Variants in XDH observed in about 807,000 individuals in gnomAD.
XDH encodes xanthine dehydrogenase, also known as xanthine dehydrogenase/oxidase.
A neutral mutation model predicts 156.1 loss-of-function variants in XDH; 138 were observed. The ratio of observed to expected loss-of-function variants is 0.88; its 90% CI spans 0.77 to 1.02. The LOEUF (loss-of-function observed/expected upper bound fraction) is 1.02, where lower values mean the gene tolerates loss of function less well. XDH is among the 50% of genes least tolerant of loss of function. The probability of loss-of-function intolerance (pLI) is 0.00; values close to 1 mark genes in which losing one functional copy is unlikely to be tolerated. For synonymous variants in XDH, 669 were observed against 625.7 expected (o/e 1.07, Z -1.03); for missense variants, 1,849 against 1,684.9 (o/e 1.10, Z -1.71).
chr2:31,403,672 T>G (rs910926242), intron 2 of XDH, among the ~76,000 whole-genome samples: 3 of 152,150 alleles, frequency 2.0e-5, no homozygotes, highest in African/African-American at 7.2e-5. Context: ...TTTTGAATAT[T>G]TGGTCCAAAA....
intron 35 of XDH, among the ~76,000 whole-genome samples, chr2:31,337,004 C>G (rs1684985010): frequency 6.6e-6 from 1 of 150,972 alleles, no homozygotes; most frequent in Non-Finnish European, 1.5e-5. Flanking sequence ...TTAGGCATTG[C>G]CAACTACAAG....
At position 31,383,831 on chromosome 2, in the gene XDH, G is replaced by C. The variant is rs754770968; in HGVS notation, c.810C>G (p.Phe270Leu). The C allele has an allele frequency of 6.2e-7, 1 of 1,614,000 alleles. No individual in the cohort carries two copies. The highest frequency in any genetic ancestry group is 1.1e-5 in the South Asian group (1 of 90,980). ...GNTEIGIEMK[F>L]KNMLFPMIVC... ...CAATCATAGGAAACAGCATATTCTT[G>C]AACTTCATCTCAATGCCTAGAGAGA... The change falls in exon 10 of 36, where the codon TTC (phenylalanine) becomes TTG (leucine). Residue 270 changes from phenylalanine to leucine, a missense_variant. Phe to Leu is a conservative substitution (Grantham distance 22). Coordinates refer to ENST00000379416, the MANE Select transcript of XDH (RefSeq NM_000379.4).
At chr2:31,367,868 C>T in intron 20 of XDH, 93 bp downstream of exon 20, 1 of 1,224,946 alleles carries the variant, frequency 8.2e-7, no homozygotes, top group Non-Finnish European at 1.2e-6. Context: ...GTCCAGAAAT[C>T]ACTTCCCTGC....
chr2:31,367,206 A>G (rs1685938872), intron 20 of XDH, among the ~76,000 whole-genome samples: 1 of 152,240 alleles, frequency 6.6e-6, no homozygotes, highest in South Asian at 2.1e-4. Context: ...CACCCCCACA[A>G]CAAAGAAAGA....
rs1553411627 is a variant in XDH, at chr2:31,343,306, A to ATATATATATATATGCATGTT, written c.3405-1010_3405-1009insAACATGCATATATATATATA. Reference sequence around the variant, plus strand: ...TCACCATATATATATATATATATATATATATATATATATATATATATGCAT... The same window carrying ATATATATATATATGCATGTT: ...TCACCATATATATATATATATATATATATATATATATATGCATGTTTATATATATATATATATATATGCAT... On this transcript the variant is annotated intron_variant, in intron 31 of 35. Coordinates refer to ENST00000379416, the MANE Select transcript of XDH (RefSeq NM_000379.4). Among the ~76,000 whole-genome samples, 301 of 107,102 alleles carry ATATATATATATATGCATGTT rather than the reference A, an allele frequency of 2.8e-3. 2 individuals carry two copies. Among genetic ancestry groups the ATATATATATATATGCATGTT allele is most frequent in the African/African-American group, 0.01 (279 of 27,144 alleles). The allele number at this position is 107,102 out of a possible 152,430, so 70.3% of individuals were successfully genotyped here.
rs1193322446 is a variant in XDH, at chr2:31,414,718, T to C, written c.-52A>G. On this transcript the variant is annotated 5_prime_UTR_variant, in exon 1 of 36. Coordinates refer to ENST00000379416, the MANE Select transcript of XDH (RefSeq NM_000379.4). ...CAGGTACCTCACTCCTAAGAGACAC[T>C]GGCAGGTAGTTATCACTGCTCTGTG... The C allele has an allele frequency of 6.2e-7, 1 of 1,608,078 alleles. No individual in the cohort carries two copies.
intron 30 of XDH, among the ~76,000 whole-genome samples, chr2:31,345,725 G>A (rs142990295): frequency 2.6e-5 from 4 of 152,060 alleles, no homozygotes; most frequent in Non-Finnish European, 2.9e-5. Context: ...TTGTGTGTGC[G>A]TGCACATGCG....
chr2:31,339,534 G>A lies in XDH; in HGVS notation c.3729C>T (p.Ser1243=). 1.2e-6 allele frequency: 2 copies of A among 1,614,194 alleles called. No homozygotes were observed. The highest frequency in any genetic ancestry group is 1.1e-5 in the South Asian group (1 of 91,078). ...FGSIPIEFRV[S]LLRDCPNKKA... ...TCTTGTTGGGGCAGTCGCGGAGCAG[G>A]GACACCCTGAACTCAATGGGGATGC... Residue 1243 remains serine (S), a synonymous_variant, in exon 34 of 36, where the codon TCC becomes TCT. Transcript: ENST00000379416.
chr2:31,388,439 G>T (rs1686674699), intron 6 of XDH, 144 bp from the exon 7 acceptor site: 2 of 884,766 alleles, frequency 2.3e-6, no homozygotes, highest in Non-Finnish European at 3.7e-6. Flanking sequence ...CCTGCCTGTT[G>T]CCCAGAGTGG....
chr2:31,339,803 A>T lies in XDH; in HGVS notation c.3586-126T>A, dbSNP rs1400770772. The T allele has an allele frequency of 2.4e-6, 3 of 1,232,172 alleles. No individual in the cohort carries two copies. The African/African-American group carries it at 4.5e-5, about 18-fold the overall frequency. The allele number at this position is 1,232,172 out of a possible 1,614,324, so 76.3% of individuals were successfully genotyped here. A position where few individuals can be genotyped will look rare whatever the true frequency, so the allele number is the denominator to read the frequency against. Reference sequence around the variant, plus strand: ...TGGAATGTAGCTAAAACTGCCCTCTATTGCTTACCTGGCTCCCGCCTCAGC... The same window carrying T: ...TGGAATGTAGCTAAAACTGCCCTCTTTTGCTTACCTGGCTCCCGCCTCAGC... On this transcript the variant is annotated intron_variant, in intron 33 of 35. Transcript: ENST00000379416.
intron 7 of XDH, 56 bp downstream of exon 7, chr2:31,388,171 A>G (rs1442153742): frequency 1.3e-6 from 2 of 1,587,374 alleles, no homozygotes; most frequent in African/African-American, 1.3e-5. Flanking sequence ...TCGTGCACTG[A>G]CTCCTCTAAG....
At chr2:31,364,338 G>A in intron 23 of XDH, 94 bp from the exon 24 acceptor site, 1 of 1,261,542 alleles carries the variant, frequency 7.9e-7, no homozygotes, top group East Asian at 2.3e-5. Context: ...TATGTCACCT[G>A]GAGGAAATAA....
intron 15 of XDH, among the ~76,000 whole-genome samples, chr2:31,374,610 T>G (rs1234071764): frequency 6.6e-6 from 1 of 152,214 alleles, no homozygotes; most frequent in Non-Finnish European, 1.5e-5. Context: ...AGAGTAATTT[T>G]AGGTTTTCTT....
chr2:31,411,565 T>C (rs774143032), intron 1 of XDH, among the ~76,000 whole-genome samples: 1 of 152,210 alleles, frequency 6.6e-6, no homozygotes, highest in Non-Finnish European at 1.5e-5. Context: ...CCTTGTATTC[T>C]TCTTGCAGTT....
intron 6 of XDH, among the ~76,000 whole-genome samples, chr2:31,389,932 C>T (rs958066707): frequency 4.6e-5 from 7 of 152,080 alleles, no homozygotes; most frequent in African/African-American, 1.7e-4. Flanking sequence ...ACCCCTATCC[C>T]AACATACACG....
chr2:31,338,864 C>T (rs1685044672), intron 34 of XDH, among the ~76,000 whole-genome samples: 1 of 151,618 alleles, frequency 6.6e-6, no homozygotes, highest in Non-Finnish European at 1.5e-5. Context: ...GCTGGGATTA[C>T]AGGCATGTCC....
At chr2:31,390,312 A>G (rs537437837) in intron 6 of XDH, among the ~76,000 whole-genome samples, 2 of 152,356 alleles carry the variant, frequency 1.3e-5, no homozygotes, top group Admixed American at 1.3e-4. Flanking sequence ...AGTAGTAGCA[A>G]TTAAGGTTTG....
At position 31,335,937 on chromosome 2, in the gene XDH, A is replaced by G. The variant is rs765215421; in HGVS notation, c.*21T>C. On this transcript the variant is annotated 3_prime_UTR_variant, in exon 36 of 36. Transcript: ENST00000379416. ...GGAAGCCCAAAGGCAGCACAAGAAG[A>G]CTCTGCTGAGGACTCTCTCTTTAGA... 1 of 1,613,842 alleles carries G rather than the reference A, an allele frequency of 6.2e-7. No individual in the cohort carries two copies. The highest frequency in any genetic ancestry group is 8.5e-7 in the Non-Finnish European group (1 of 1,179,826).
intron 1 of XDH, among the ~76,000 whole-genome samples, chr2:31,413,720 T>C (rs928050316): frequency 3.3e-5 from 5 of 152,184 alleles, no homozygotes; most frequent in African/African-American, 1.2e-4. Flanking sequence ...GGCACATTCA[T>C]CACGCACAGT....
Sources: gnomAD v4.1 joint callset for allele counts (sites outside exome capture counted in the v4.1 genomes callset) on GRCh38, gnomAD v4.1.1 for gene constraint, MANE v1.5 for transcripts, NCBI Gene and HGNC (gene_info 2026-07-23, HGNC 2026-07-21) for gene names.